The following SLC39A11 variants were observed in gnomAD, a reference collection of about 807,000 sequenced individuals.
The protein encoded by SLC39A11 is solute carrier family 39 member 11.
In SLC39A11, 33 loss-of-function variants were observed where a neutral mutation model predicts 36.1. The observed-to-expected ratio is 0.91, with a 90% CI of 0.69 to 1.22. SLC39A11 has a LOEUF of 1.22. Among genes scored for constraint, SLC39A11 ranks in the 50% most tolerant of loss-of-function variants. The pLI is 0.00. For missense variants in SLC39A11, 432 were observed against 430.3 expected, an observed-to-expected ratio of 1.00 and a Z score of -0.03; for synonymous variants, 166 against 170.3, an observed-to-expected ratio of 0.97 and a Z score of 0.20.
intron 4 of SLC39A11, among the ~76,000 whole-genome samples, chr17:73,030,268 G>GGACCTCTGC (rs1166343329): frequency 6.6e-6 from 1 of 152,156 alleles, no homozygotes; most frequent in African/African-American, 2.4e-5. Context: ...GGGGGGTTGG[G>GGACCTCTGC]GACCTCTGCT....
rs142468230 is a variant in SLC39A11, at chr17:72,647,563, G to C, written c.*21C>G. ...GCTGTTTCTTCGTATGGCCTTTCCCGGGGTCCGAAGCGTCTCAGCCCTAGC... is the reference window on the plus strand; with the variant it reads ...GCTGTTTCTTCGTATGGCCTTTCCCCGGGTCCGAAGCGTCTCAGCCCTAGC... On this transcript the variant is annotated 3_prime_UTR_variant, in exon 10 of 10. Coordinates refer to ENST00000255559, the MANE Select transcript of SLC39A11 (RefSeq NM_139177.4). 1.2e-6 allele frequency: 2 copies of C among 1,608,622 alleles called. No homozygotes were observed. The highest frequency in any genetic ancestry group is 1.3e-5 in the African/African-American group (1 of 74,872).
chr17:72,860,024 G>C (rs541984508), intron 5 of SLC39A11, among the ~76,000 whole-genome samples: 1 of 112,524 alleles, frequency 8.9e-6, no homozygotes, highest in East Asian at 2.3e-4. Context: ...GGGGAGGGGA[G>C]GGGAGGGGAG....
chr17:72,686,604 G>T (rs961354587), intron 7 of SLC39A11, among the ~76,000 whole-genome samples: 7 of 152,110 alleles, frequency 4.6e-5, no homozygotes, highest in African/African-American at 1.7e-4. Context: ...TGAGTCTCAG[G>T]GCCAGGCCTC....
intron 7 of SLC39A11, among the ~76,000 whole-genome samples, chr17:72,661,340 G>A (rs72849458): frequency 0.061 from 9,331 of 152,262 alleles, 380 homozygotes; most frequent in Non-Finnish European, 0.088. Context: ...CTCAGGAGAG[G>A]TAGTGGAGAG....
chr17:73,048,551 C>T (rs2059395130), intron 3 of SLC39A11, among the ~76,000 whole-genome samples: 1 of 152,020 alleles, frequency 6.6e-6, no homozygotes, highest in African/African-American at 2.4e-5. Context: ...GGGTGTATAC[C>T]CAGTAATGGG....
chr17:72,940,424 T>G (rs1316597675), intron 5 of SLC39A11, among the ~76,000 whole-genome samples: 1 of 152,204 alleles, frequency 6.6e-6, no homozygotes, highest in Non-Finnish European at 1.5e-5. Context: ...TACAGGCATG[T>G]GCCAACACGC....
At chr17:72,899,755 A>G (rs1172448594) in intron 5 of SLC39A11, among the ~76,000 whole-genome samples, 2 of 152,188 alleles carry the variant, frequency 1.3e-5, no homozygotes, top group Non-Finnish European at 2.9e-5. Context: ...TGAGGTCACG[A>G]GTTTGAGGAC....
chr17:73,058,791 T>G (rs1369073176), intron 3 of SLC39A11, among the ~76,000 whole-genome samples: 1 of 152,186 alleles, frequency 6.6e-6, no homozygotes, highest in Non-Finnish European at 1.5e-5. Context: ...GATCTGTCTT[T>G]TGGCAGATGA....
At chr17:73,060,144 A>G (rs1019861133) in intron 3 of SLC39A11, among the ~76,000 whole-genome samples, 2 of 148,972 alleles carry the variant, frequency 1.3e-5, no homozygotes, top group African/African-American at 4.9e-5. Flanking sequence ...CGGGAGGCAG[A>G]AGTTGCAGTG....
At chr17:72,710,445 T>C (rs1015005230) in intron 7 of SLC39A11, among the ~76,000 whole-genome samples, 3 of 152,182 alleles carry the variant, frequency 2.0e-5, no homozygotes, top group African/African-American at 7.2e-5. Context: ...CCCTCAAGCA[T>C]GAGATTAGTG....
chr17:72,959,860 C>T (rs936927948), intron 4 of SLC39A11, among the ~76,000 whole-genome samples: 7 of 152,176 alleles, frequency 4.6e-5, no homozygotes, highest in Non-Finnish European at 7.3e-5. Context: ...TACCTCTGTA[C>T]ATGGACAAAA....
At chr17:72,854,014 C>G (rs2079508507) in intron 5 of SLC39A11, among the ~76,000 whole-genome samples, 1 of 152,032 alleles carries the variant, frequency 6.6e-6, no homozygotes, top group African/African-American at 2.4e-5. Flanking sequence ...AGAGGGGGGA[C>G]TATTTCATTT....
chr17:72,744,705 AG>A (rs1317145371), intron 6 of SLC39A11, among the ~76,000 whole-genome samples: 1 of 152,024 alleles, frequency 6.6e-6, no homozygotes, highest in Non-Finnish European at 1.5e-5. Flanking sequence ...AGGAAGGGTG[AG>A]GGGGCCTCTC....
chr17:72,975,272 CT>C (rs1190128616), intron 4 of SLC39A11, among the ~76,000 whole-genome samples: 1 of 152,026 alleles, frequency 6.6e-6, no homozygotes. Context: ...AACCCTGTCC[CT>C]ACTAAATACA....
At chr17:73,025,497 C>T (rs2058503799) in intron 4 of SLC39A11, among the ~76,000 whole-genome samples, 2 of 152,210 alleles carry the variant, frequency 1.3e-5, no homozygotes, top group African/African-American at 4.8e-5. Flanking sequence ...AGTCTAACTA[C>T]TCAACCACGG....
chr17:73,030,360 T>C (rs973277466), intron 4 of SLC39A11, among the ~76,000 whole-genome samples: 2 of 152,226 alleles, frequency 1.3e-5, no homozygotes, highest in African/African-American at 4.8e-5. Flanking sequence ...AAGGAATCTG[T>C]TTTACATTAG....
At chr17:73,023,421 G>T (rs2058422778) in intron 4 of SLC39A11, among the ~76,000 whole-genome samples, 1 of 152,188 alleles carries the variant, frequency 6.6e-6, no homozygotes, top group Non-Finnish European at 1.5e-5. Flanking sequence ...TTCCAAGGTA[G>T]GAGGACTGCT....
chr17:72,855,082 G>T (rs2079567740), intron 5 of SLC39A11, among the ~76,000 whole-genome samples: 1 of 152,180 alleles, frequency 6.6e-6, no homozygotes, highest in Non-Finnish European at 1.5e-5. Context: ...TCTAGTGAAT[G>T]GCCCCAAACC....
intron 7 of SLC39A11, among the ~76,000 whole-genome samples, chr17:72,729,961 C>T (rs183498430): frequency 1.4e-4 from 22 of 152,166 alleles, no homozygotes; most frequent in Admixed American, 9.8e-4. Flanking sequence ...TCAACTATAT[C>T]ACATCGAAAT....
Sources: gnomAD v4.1 joint callset for allele counts (sites outside exome capture counted in the v4.1 genomes callset) on GRCh38, gnomAD v4.1.1 for gene constraint, MANE v1.5 for transcripts, NCBI Gene and HGNC (gene_info 2026-07-23, HGNC 2026-07-21) for gene names.